The following DNAI1 variants were observed in gnomAD, a reference collection of about 807,000 sequenced individuals.
DNAI1 encodes dynein axonemal intermediate chain 1.
A neutral mutation model predicts 92.0 loss-of-function variants in DNAI1; 67 were observed. That is an observed-to-expected ratio of 0.73 (90% CI 0.60 to 0.89). The LOEUF (loss-of-function observed/expected upper bound fraction) is 0.89. DNAI1 is among the 40% of genes least tolerant of loss of function. The pLI is 0.00. For missense variants in DNAI1, 839 were observed against 866.6 expected (o/e 0.97, Z 0.40); for synonymous variants, 323 against 319.6 (o/e 1.01, Z -0.11).
At chr9:34,498,659 C>G (rs1824770711) in intron 10 of DNAI1, among the ~76,000 whole-genome samples, 1 of 152,206 alleles carries the variant, frequency 6.6e-6, no homozygotes, top group African/African-American at 2.4e-5. Flanking sequence ...GCTTGTATTT[C>G]CCTAAGAGGT....
chr9:34,515,663 G>T (rs1327548776), intron 18 of DNAI1, among the ~76,000 whole-genome samples: 1 of 152,206 alleles, frequency 6.6e-6, no homozygotes, highest in Non-Finnish European at 1.5e-5. Context: ...AAGGAATGAT[G>T]TGCTGATACA....
chr9:34,486,861 A>G (rs901403719), intron 4 of DNAI1, among the ~76,000 whole-genome samples: 2 of 152,216 alleles, frequency 1.3e-5, no homozygotes, highest in Non-Finnish European at 2.9e-5. Context: ...GTTTCATATA[A>G]GTGGAATTAT....
intron 12 of DNAI1, among the ~76,000 whole-genome samples, chr9:34,505,473 C>T (rs1170470762): frequency 6.6e-6 from 1 of 152,194 alleles, no homozygotes; most frequent in East Asian, 1.9e-4. Context: ...ATCAAATCTG[C>T]AGAATCCCTC....
chr9:34,465,580 A>G (rs1377392377), intron 1 of DNAI1, among the ~76,000 whole-genome samples: 1 of 152,264 alleles, frequency 6.6e-6, no homozygotes, highest in Non-Finnish European at 1.5e-5. Flanking sequence ...TTATCAGATT[A>G]CAAAACAGCT....
intron 1 of DNAI1, among the ~76,000 whole-genome samples, chr9:34,475,111 C>T (rs1824213793): frequency 6.6e-6 from 1 of 152,138 alleles, no homozygotes; most frequent in Admixed American, 6.5e-5. Flanking sequence ...GCACTAGGCT[C>T]AGAGATTTAA....
At chr9:34,495,550 C>T (rs1283988698) in intron 9 of DNAI1, among the ~76,000 whole-genome samples, 1 of 152,158 alleles carries the variant, frequency 6.6e-6, no homozygotes, top group Non-Finnish European at 1.5e-5. Context: ...TGCTACTGAT[C>T]AATAAATGGT....
In DNAI1 at chr9:34,517,437, G is replaced by A; in HGVS notation, c.1971G>A (p.Lys657=). 1 of 1,614,170 alleles carries A rather than the reference G, an allele frequency of 6.2e-7. No homozygotes were observed. The highest frequency in any genetic ancestry group is 1.1e-5 in the South Asian group (1 of 91,082). Residue 657 remains lysine (K), a synonymous_variant, in exon 19 of 20, where the codon AAG becomes AAA. Coordinates refer to ENST00000242317, the MANE Select transcript of DNAI1 (RefSeq NM_012144.4). ...ACCGTGGGCACATCATCAGCCTCAAGCTCTCACCCAATTTGCGCAAGATGC... is the reference window on the plus strand; with the variant it reads ...ACCGTGGGCACATCATCAGCCTCAAACTCTCACCCAATTTGCGCAAGATGC... ...GDDRGHIISL[K]LSPNLRKMPK...
At chr9:34,483,560 T>G (rs563248335) in intron 2 of DNAI1, 80 bp downstream of exon 2, 45 of 1,380,062 alleles carry the variant, frequency 3.3e-5, no homozygotes, top group Admixed American at 1.9e-4. Context: ...TATGTGTTTT[T>G]AGAAAATGCA....
chr9:34,489,866 A>G (rs1824549685), intron 5 of DNAI1, 146 bp from the exon 6 acceptor site: 2 of 1,260,300 alleles, frequency 1.6e-6, no homozygotes, highest in Non-Finnish European at 2.2e-6. Flanking sequence ...AAAAAGCCCA[A>G]TAGCTGGTTG....
At chr9:34,486,083 A>G (rs963738226) in intron 4 of DNAI1, among the ~76,000 whole-genome samples, 5 of 152,144 alleles carry the variant, frequency 3.3e-5, no homozygotes, top group African/African-American at 9.7e-5. Context: ...TGATATGCCT[A>G]TATAGGGGAC....
chr9:34,500,035 G>C (rs2132071346), intron 10 of DNAI1, among the ~76,000 whole-genome samples: 1 of 152,270 alleles, frequency 6.6e-6, no homozygotes, highest in Non-Finnish European at 1.5e-5. Context: ...CTGGGCAGGG[G>C]CTATGGGTTT....
At chr9:34,509,411 C>T (rs1311795319) in intron 13 of DNAI1, among the ~76,000 whole-genome samples, 1 of 152,096 alleles carries the variant, frequency 6.6e-6, no homozygotes, top group East Asian at 1.9e-4. Flanking sequence ...GCAAAGTGTT[C>T]ATGCAGAAGC....
intron 1 of DNAI1, among the ~76,000 whole-genome samples, chr9:34,463,095 C>G (rs979293972): frequency 6.6e-6 from 1 of 152,014 alleles, no homozygotes; most frequent in Admixed American, 6.6e-5. Flanking sequence ...GAAGGTGTTA[C>G]AGAGGTGGCA....
At chr9:34,493,893 G>T (rs1314959881) in intron 9 of DNAI1, among the ~76,000 whole-genome samples, 1 of 152,134 alleles carries the variant, frequency 6.6e-6, no homozygotes, top group Non-Finnish European at 1.5e-5. Flanking sequence ...AAAGGTCATG[G>T]TTGAGGGGGG....
intron 4 of DNAI1, among the ~76,000 whole-genome samples, chr9:34,486,503 G>A (rs1335863369): frequency 2.0e-5 from 3 of 151,734 alleles, no homozygotes; most frequent in Non-Finnish European, 4.4e-5. Context: ...GAAACCTATG[G>A]TACAAATTTC....
chr9:34,483,328 G>A (rs1273951514), intron 1 of DNAI1, 120 bp from the exon 2 acceptor site: 13 of 959,646 alleles, frequency 1.4e-5, no homozygotes, highest in South Asian at 6.9e-5. Flanking sequence ...CTGCCAGCAC[G>A]CTGTCACCTC....
chr9:34,506,716 G>A lies in DNAI1; in HGVS notation c.1153G>A (p.Gly385Ser), dbSNP rs201157845. ...TGAGTACATGTTCAGCAGCAACAGCGGCGTCATGTGTCTCGACATCCACGT... is the reference window on the plus strand; with the variant it reads ...TGAGTACATGTTCAGCAGCAACAGCAGCGTCATGTGTCTCGACATCCACGT... ...FPEYMFSSNS[G>S]VMCLDIHVDH... Residue 385 changes from glycine (G) to serine (S), a missense_variant, in exon 13 of 20, where the codon GGC becomes AGC. Transcript: ENST00000242317. 2.0e-5 allele frequency: 32 copies of A among 1,614,188 alleles called. No individual in the cohort carries two copies. The highest frequency in any genetic ancestry group is 1.1e-4 in the African/African-American group (8 of 75,050).
chr9:34,486,429 A>T (rs982444630), intron 4 of DNAI1, among the ~76,000 whole-genome samples: 1 of 152,144 alleles, frequency 6.6e-6, no homozygotes, highest in Non-Finnish European at 1.5e-5. Context: ...CCAAAGCAAC[A>T]TTACATTGCT....
chr9:34,497,161 G>T lies in DNAI1; in HGVS notation c.863G>T (p.Arg288Leu). The T allele has an allele frequency of 1.9e-6, 3 of 1,614,076 alleles. No homozygotes were observed. Among genetic ancestry groups the T allele is most frequent in the Non-Finnish European group, 2.5e-6 (3 of 1,179,974 alleles). ...TCCCAAGCTGCTAAGATCATGGAGCGGATGGTCAACCAGAATACATATGAT... is the reference window on the plus strand; with the variant it reads ...TCCCAAGCTGCTAAGATCATGGAGCTGATGGTCAACCAGAATACATATGAT... Reference protein sequence around the residue: ...KLSQAAKIMERMVNQNTYDDI... With the variant: ...KLSQAAKIMELMVNQNTYDDI... Residue 288 changes from arginine (R) to leucine (L), a missense_variant, in exon 10 of 20, where the codon CGG (arginine) becomes CTG (leucine). Coordinates refer to ENST00000242317, the MANE Select transcript of DNAI1 (RefSeq NM_012144.4).
Sources: gnomAD v4.1 joint callset for allele counts (sites outside exome capture counted in the v4.1 genomes callset) on GRCh38, gnomAD v4.1.1 for gene constraint, MANE v1.5 for transcripts, NCBI Gene and HGNC (gene_info 2026-07-23, HGNC 2026-07-21) for gene names.